Variants in MRTFB observed in about 807,000 individuals in gnomAD.
MRTFB encodes myocardin-related transcription factor B.
Under a neutral mutation model 104.2 loss-of-function variants are expected in MRTFB, and 29 were observed. The observed-to-expected ratio is 0.28, with a 90% CI of 0.21 to 0.38. MRTFB has a LOEUF of 0.38. MRTFB is among the 10% of genes least tolerant of loss of function. The pLI is 1.00. For missense variants in MRTFB, 1,270 were observed against 1,341.6 expected, an observed-to-expected ratio of 0.95 and a Z score of 0.83; for synonymous variants, 535 against 519.5, an observed-to-expected ratio of 1.03 and a Z score of -0.41.
intron 3 of MRTFB, chr16:14,186,705 A>G: frequency 7.2e-7 from 1 of 1,384,128 alleles, no homozygotes; most frequent in Non-Finnish European, 9.3e-7. Flanking sequence ...AAGGGCTTCC[A>G]GCGGCATGAG....
intron 2 of MRTFB, among the ~76,000 whole-genome samples, chr16:14,081,354 G>A (rs1254607716): frequency 7.0e-6 from 1 of 142,112 alleles, no homozygotes; most frequent in Non-Finnish European, 1.5e-5. Context: ...ATGCAATGCT[G>A]TGATCTTGGC....
chr16:14,186,660 C>A, intron 3 of MRTFB: 1 of 1,274,328 alleles, frequency 7.8e-7, no homozygotes, highest in Non-Finnish European at 1.0e-6. Flanking sequence ...AGAATCGTGC[C>A]TGTGTGGCTC....
intron 8 of MRTFB, among the ~76,000 whole-genome samples, chr16:14,226,874 C>T (rs1053373191): frequency 6.6e-6 from 1 of 151,734 alleles, no homozygotes; most frequent in African/African-American, 2.4e-5. Context: ...CCTAGCTACT[C>T]CAGAAGCTGA....
chr16:14,088,261 G>A (rs748275123), intron 2 of MRTFB, among the ~76,000 whole-genome samples: 4 of 152,140 alleles, frequency 2.6e-5, no homozygotes, highest in Non-Finnish European at 4.4e-5. Context: ...TGTCTTTTGT[G>A]TGCATTACCT....
At chr16:14,254,243 G>A (rs895226714) in intron 15 of MRTFB, among the ~76,000 whole-genome samples, 19 of 152,202 alleles carry the variant, frequency 1.2e-4, no homozygotes, top group Non-Finnish European at 2.8e-4. Context: ...TCCACGAGTG[G>A]CTAAGTAAGG....
At chr16:14,223,920 C>T (rs1371325402) in intron 8 of MRTFB, among the ~76,000 whole-genome samples, 1 of 152,184 alleles carries the variant, frequency 6.6e-6, no homozygotes, top group African/African-American at 2.4e-5. Flanking sequence ...AGTCAGTTCT[C>T]ACACCACTAT....
At chr16:14,240,179 C>G in intron 9 of MRTFB, 58 bp from the exon 10 acceptor site, 1 of 1,520,252 alleles carries the variant, frequency 6.6e-7, no homozygotes, top group Non-Finnish European at 8.8e-7. Flanking sequence ...TCACGCAGTA[C>G]AAAAGATTTT....
rs1434807278 is a variant in MRTFB, at chr16:14,265,179, A to C, written c.*3735A>C. The C allele has an allele frequency of 6.6e-6, 1 of 152,176 alleles. No individual in the cohort carries two copies. Among genetic ancestry groups the C allele is most frequent in the Non-Finnish European group, 1.5e-5 (1 of 68,034 alleles). The allele number at this position is 152,176 out of a possible 1,614,324, so 9.4% of individuals were successfully genotyped here. On this transcript the variant is annotated 3_prime_UTR_variant, in exon 17 of 17. Coordinates refer to ENST00000571589, the MANE Select transcript of MRTFB (RefSeq NM_001308142.2). ...TGGTGCCGCTGGGGACTTTTTAGAG[A>C]AATGTAAAGAGAATAGCTATTCAGT...
At chr16:14,189,890 C>T (rs1323602653) in intron 3 of MRTFB, among the ~76,000 whole-genome samples, 2 of 152,130 alleles carry the variant, frequency 1.3e-5, no homozygotes, top group African/African-American at 4.8e-5. Flanking sequence ...GTTGACAGTG[C>T]TAGTTGGCTG....
At chr16:14,149,427 T>G (rs2038502077) in intron 3 of MRTFB, 1 of 152,180 alleles carries the variant, frequency 6.6e-6, no homozygotes, top group Admixed American at 6.5e-5. Flanking sequence ...CTCTGCAGAT[T>G]TGCGATTCAT....
chr16:14,092,303 ATATC>A (rs2035124989), intron 2 of MRTFB, among the ~76,000 whole-genome samples: 1 of 152,148 alleles, frequency 6.6e-6, no homozygotes, highest in East Asian at 1.9e-4. Flanking sequence ...TGTACAGTAT[ATATC>A]TATGTACGAA....
chr16:14,124,676 A>G (rs1382680699), intron 2 of MRTFB, among the ~76,000 whole-genome samples: 2 of 152,122 alleles, frequency 1.3e-5, no homozygotes, highest in Admixed American at 1.3e-4. Context: ...TATTTTATCG[A>G]GGACTTTTGC....
intron 1 of MRTFB, among the ~76,000 whole-genome samples, chr16:14,076,092 T>G (rs1441472738): frequency 6.6e-6 from 1 of 152,064 alleles, no homozygotes; most frequent in Non-Finnish European, 1.5e-5. Flanking sequence ...TCTTTTTATA[T>G]AAAATATACA....
At chr16:14,033,696 G>C in the MRTFB span, among the ~76,000 whole-genome samples, 2 of 151,858 alleles carry the variant, frequency 1.3e-5, no homozygotes, top group Non-Finnish European at 2.9e-5. Context: ...AATTAGCCAG[G>C]CATGGTGGCA....
At chr16:14,171,409 C>G (rs1038871052) in intron 3 of MRTFB, among the ~76,000 whole-genome samples, 3 of 151,886 alleles carry the variant, frequency 2.0e-5, no homozygotes, top group Non-Finnish European at 4.4e-5. Flanking sequence ...GCAGAAGACT[C>G]TCTTGAACGT....
intron 6 of MRTFB, 42 bp from the exon 7 acceptor site, chr16:14,217,084 T>C (rs1368246458): frequency 6.4e-7 from 1 of 1,556,088 alleles, no homozygotes; most frequent in Admixed American, 1.9e-5. Context: ...GGAATAGAAA[T>C]AGTAATTCGA....
At chr16:14,145,301 T>C (rs544356271) in intron 3 of MRTFB, among the ~76,000 whole-genome samples, 2 of 152,278 alleles carry the variant, frequency 1.3e-5, no homozygotes, top group Admixed American at 6.5e-5. Context: ...GATTGTGTTA[T>C]TATTCCTAGA....
At chr16:14,062,669 A>G in the MRTFB span, among the ~76,000 whole-genome samples, 1 of 152,104 alleles carries the variant, frequency 6.6e-6, no homozygotes, top group African/African-American at 2.4e-5. Context: ...CAGAATTGGG[A>G]ATGCAATAGA....
chr16:14,128,560 G>A lies in MRTFB; in HGVS notation c.-63-11984G>A, dbSNP rs76972110. Among the ~76,000 whole-genome samples the A allele has an allele frequency of 9.6e-3, 1,468 of 152,306 alleles. 26 individuals are homozygous for A. The highest frequency in any genetic ancestry group is 0.034 in the African/African-American group (1,398 of 41,570). On this transcript the variant is annotated intron_variant, in intron 2 of 16. Coordinates refer to ENST00000571589, the MANE Select transcript of MRTFB (RefSeq NM_001308142.2). ...AGCAACAAAAAGCAAGTGACCAAAA[G>A]CAAGCGGGACAGGCAGACCTGACCA...
Sources: allele counts gnomAD v4.1 joint callset (sites outside exome capture counted in the v4.1 genomes callset), GRCh38; gene constraint gnomAD v4.1.1; transcripts MANE v1.5; gene names NCBI Gene and HGNC (gene_info 2026-07-23, HGNC 2026-07-21).